The following FOCAD variants were observed in gnomAD, a reference collection of about 807,000 sequenced individuals.
FOCAD encodes focadhesin.
Under a neutral mutation model 225.6 loss-of-function variants are expected in FOCAD, and 198 were observed. The ratio of observed to expected loss-of-function variants is 0.88; its 90% CI spans 0.78 to 0.99. The LOEUF (loss-of-function observed/expected upper bound fraction) is 0.99, where lower values mean the gene tolerates loss of function less well. Ranked by LOEUF, FOCAD falls within the 50% of genes least tolerant of loss-of-function variation. The probability of loss-of-function intolerance (pLI) is 0.00; values close to 1 mark genes in which losing one functional copy is unlikely to be tolerated. For synonymous variants in FOCAD, 897 were observed against 755.0 expected (o/e 1.19, Z -3.08); for missense variants, 2,713 against 2,123.6 (o/e 1.28, Z -5.46).
chr9:20,986,463 C>A lies in FOCAD; in HGVS notation c.4904C>A (p.Thr1635Lys), dbSNP rs545740798. ...GCACGGATTGTGAGCCATGCCAATA[C>A]GGGTGAGGACACCCTGGGGTGAACA... ...YQARIVSHAN[T>K]GVLKRMEWLL... The change falls in exon 40 of 44, where the codon ACG (threonine) becomes AAG (lysine). Residue 1635 changes from threonine to lysine, a missense_variant and splice_region_variant. Transcript: ENST00000338382. 6.2e-7 allele frequency: 1 copy of A among 1,604,444 alleles called. No individual in the cohort carries two copies. The highest frequency in any genetic ancestry group is 2.3e-5 in the East Asian group (1 of 44,438).
In FOCAD at chr9:20,862,655, A is replaced by G. The variant is rs549761068; in HGVS notation, c.1998A>G (p.Thr666=). ...ACACAAGACCTCTCATTCTGAAGAC[A>G]CTGAGTGAACTATTTTCTCTAGTTC... The part of the protein sequence containing the change: ...SCDTRPLILK[T]LSELFSLVPS... Residue 666 remains threonine, a synonymous_variant, in exon 16 of 44, where the codon ACA becomes ACG. Transcript: ENST00000338382. 35 of 1,613,624 alleles carry G rather than the reference A, an allele frequency of 2.2e-5. No individual in the cohort carries two copies. The South Asian group carries it at 3.5e-4, about 16-fold the overall frequency.
At chr9:20,962,086 G>A (rs1314696013) in intron 35 of FOCAD, among the ~76,000 whole-genome samples, 1 of 152,012 alleles carries the variant, frequency 6.6e-6, no homozygotes, top group Non-Finnish European at 1.5e-5. Context: ...GAAAAAAATC[G>A]TACTCATCCT....
intron 15 of FOCAD, among the ~76,000 whole-genome samples, chr9:20,862,052 G>T (rs959408593): frequency 2.0e-5 from 3 of 151,976 alleles, no homozygotes; most frequent in African/African-American, 7.2e-5. Flanking sequence ...AAATTATTAT[G>T]TTAAATACTG....
intron 16 of FOCAD, 111 bp from the exon 17 acceptor site, chr9:20,865,815 G>T (rs1284730393): frequency 5.5e-5 from 36 of 657,782 alleles, no homozygotes; most frequent in Admixed American, 1.3e-4. Flanking sequence ...TGAATTTCTG[G>T]TGGTGTTACT....
chr9:20,660,024 A>G (rs1219569357), intron 2 of FOCAD, among the ~76,000 whole-genome samples: 1 of 152,214 alleles, frequency 6.6e-6, no homozygotes, highest in Non-Finnish European at 1.5e-5. Flanking sequence ...GAAATATAGG[A>G]AGATAATTCA....
intron 11 of FOCAD, among the ~76,000 whole-genome samples, chr9:20,790,975 G>A (rs988561275): frequency 2.0e-5 from 3 of 152,072 alleles, no homozygotes; most frequent in Admixed American, 6.6e-5. Context: ...TGGTGTATGC[G>A]TAATGTGAAT....
At chr9:20,680,174 G>A (rs1270622405), upstream of FOCAD, among the ~76,000 whole-genome samples, 1 of 152,252 alleles carries the variant, frequency 6.6e-6, no homozygotes, top group Non-Finnish European at 1.5e-5. Flanking sequence ...TAGGCAGGCA[G>A]AATCTTTTTC....
intron 2 of FOCAD, among the ~76,000 whole-genome samples, chr9:20,674,472 A>G (rs966900502): frequency 6.6e-6 from 1 of 152,176 alleles, no homozygotes; most frequent in Non-Finnish European, 1.5e-5. Flanking sequence ...CCACTGGACA[A>G]TTAGGCCTGG....
intron 22 of FOCAD, among the ~76,000 whole-genome samples, chr9:20,910,874 GA>G (rs1833384575): frequency 6.6e-6 from 1 of 151,970 alleles, no homozygotes; most frequent in African/African-American, 2.4e-5. Context: ...CTCAGAGAAA[GA>G]AAAAACATGA....
At chr9:20,923,988 G>T (rs760499007) in intron 25 of FOCAD, among the ~76,000 whole-genome samples, 1 of 152,064 alleles carries the variant, frequency 6.6e-6, no homozygotes, top group Non-Finnish European at 1.5e-5. Context: ...CTATTTGAAG[G>T]TGCCAATTTT....
chr9:20,885,302 T>G (rs1831019490), intron 21 of FOCAD, 72 bp downstream of exon 21: 1 of 1,299,844 alleles, frequency 7.7e-7, no homozygotes. Flanking sequence ...AAGTTGTTTG[T>G]TTAGAAATAA....
chr9:20,710,554 C>A (rs1456735099), intron 1 of FOCAD, among the ~76,000 whole-genome samples: 1 of 151,726 alleles, frequency 6.6e-6, no homozygotes, highest in Non-Finnish European at 1.5e-5. Flanking sequence ...TGGTATCACG[C>A]CATTTCACTC....
chr9:20,960,284 A>C (rs1047168170), intron 35 of FOCAD, among the ~76,000 whole-genome samples: 1 of 152,196 alleles, frequency 6.6e-6, no homozygotes, highest in African/African-American at 2.4e-5. Context: ...AGTATGACAG[A>C]CGTGGAGCTG....
upstream of FOCAD, among the ~76,000 whole-genome samples, chr9:20,657,062 T>C (rs527267553): frequency 1.3e-5 from 2 of 152,214 alleles, no homozygotes; most frequent in Non-Finnish European, 2.9e-5. Context: ...GATATGAAAT[T>C]CTGGGTTGAA....
intron 11 of FOCAD, among the ~76,000 whole-genome samples, chr9:20,792,716 T>C (rs542643401): frequency 1.3e-5 from 2 of 152,346 alleles, no homozygotes; most frequent in East Asian, 3.9e-4. Context: ...TTCTTTGTGA[T>C]GTTTTCAGAG....
chr9:20,658,030 C>T (rs1317515636), upstream of FOCAD, among the ~76,000 whole-genome samples: 475 of 144,886 alleles, frequency 3.3e-3, 1 homozygote, highest in Non-Finnish European at 5.3e-3. Context: ...TGTTGGAATA[C>T]CCTGCCATGT....
At chr9:20,969,991 G>T (rs1389721087) in intron 35 of FOCAD, among the ~76,000 whole-genome samples, 4 of 146,718 alleles carry the variant, frequency 2.7e-5, no homozygotes, top group East Asian at 2.0e-4. Flanking sequence ...TTCGATGACA[G>T]TTTTTTTTTT....
At chr9:20,957,820 G>A (rs1239140039) in intron 35 of FOCAD, among the ~76,000 whole-genome samples, 1 of 150,660 alleles carries the variant, frequency 6.6e-6, no homozygotes. Context: ...GGCCTTTAGT[G>A]AACATCGTTA....
intron 21 of FOCAD, among the ~76,000 whole-genome samples, chr9:20,903,968 A>G (rs1343120126): frequency 6.6e-6 from 1 of 151,686 alleles, no homozygotes; most frequent in Non-Finnish European, 1.5e-5. Context: ...TTCTGTCTCT[A>G]TGGCTTTACC....
Sources: allele counts gnomAD v4.1 joint callset (sites outside exome capture counted in the v4.1 genomes callset), GRCh38; gene constraint gnomAD v4.1.1; transcripts MANE v1.5; gene names NCBI Gene and HGNC (gene_info 2026-07-23, HGNC 2026-07-21).